The following DTWD1 variants were observed in gnomAD, a reference collection of about 807,000 sequenced individuals.
DTWD1 encodes the protein tRNA-uridine aminocarboxypropyltransferase 1.
In DTWD1, 27 loss-of-function variants were observed where a neutral mutation model predicts 30.2. The ratio of observed to expected loss-of-function variants is 0.90; its 90% confidence interval spans 0.66 to 1.23. The LOEUF is 1.23. Ranked by LOEUF, DTWD1 falls within the 50% of genes most tolerant of loss-of-function variation. The pLI is 0.00. For synonymous variants in DTWD1, 99 were observed against 113.1 expected (o/e 0.88, Z 0.79); for missense variants, 342 against 348.8 (o/e 0.98, Z 0.15).
At position 49,650,674 on chromosome 15, in the gene DTWD1, T is replaced by G. The variant is rs544911260; in HGVS notation, c.*7096T>G. On this transcript the variant is annotated 3_prime_UTR_variant, in exon 5 of 5. Transcript: ENST00000403028. ...AGCTTCACCTGAGGTTACCCTCGTC[T>G]TAGATCTCAGGGCAGCCCTCAGTGG... The G allele has an allele frequency of 2.0e-5, 3 of 152,316 alleles. No individual in the cohort carries two copies. The highest frequency in any genetic ancestry group is 7.2e-5 in the African/African-American group (3 of 41,576). The allele number at this position is 152,316 out of a possible 1,614,324, so 9.4% of individuals were successfully genotyped here.
At chr15:49,624,510 T>G (rs546526158) in intron 1 of DTWD1, among the ~76,000 whole-genome samples, 1 of 152,354 alleles carries the variant, frequency 6.6e-6, no homozygotes, top group Non-Finnish European at 1.5e-5. Context: ...TTAGAGTAAG[T>G]GGACATTAAT....
At chr15:49,631,539 G>A (rs557935294) in intron 2 of DTWD1, among the ~76,000 whole-genome samples, 1 of 152,244 alleles carries the variant, frequency 6.6e-6, no homozygotes, top group South Asian at 2.1e-4. Flanking sequence ...GAGGCAGGCA[G>A]ATCGCTTGAG....
intron 2 of DTWD1, among the ~76,000 whole-genome samples, chr15:49,625,849 G>C (rs958686575): frequency 6.6e-6 from 1 of 152,096 alleles, no homozygotes; most frequent in Non-Finnish European, 1.5e-5. Flanking sequence ...GGCATGTCTG[G>C]ACATGTTTGG....
At chr15:49,633,868 C>T (rs116526453) in intron 3 of DTWD1, among the ~76,000 whole-genome samples, 1,669 of 152,078 alleles carry the variant, frequency 0.011, 34 homozygotes, top group African/African-American at 0.039. Flanking sequence ...TAAAAATGTG[C>T]GGAAAGAAAA....
rs575520657 is a variant in DTWD1 at position 49,652,823 on chromosome 15, C to A, written c.*9245C>A. On this transcript the variant is annotated 3_prime_UTR_variant, in exon 5 of 5. Coordinates refer to ENST00000403028, the MANE Select transcript of DTWD1 (RefSeq NM_001144955.2). ...TGATTCACTTTAAGAAAGGACTGAC[C>A]TCCCAGTTGCAAGGAATGAGGTCAG... 1 of 152,096 alleles carries A rather than the reference C, an allele frequency of 6.6e-6. No homozygotes were observed. The highest frequency in any genetic ancestry group is 1.5e-5 in the Non-Finnish European group (1 of 68,030). The allele number at this position is 152,096 out of a possible 1,614,324, so 9.4% of individuals were successfully genotyped here.
Position 49,655,594 on chromosome 15 carries a change from T to C in DTWD1, c.*12016T>C, listed in dbSNP as rs1317870069. 1 of 152,024 alleles carries C rather than the reference T, an allele frequency of 6.6e-6. No individual in the cohort carries two copies. The highest frequency in any genetic ancestry group is 6.6e-5 in the Admixed American group (1 of 15,236). 9.4% of individuals were successfully genotyped at this position (152,024 alleles called of 1,614,324 possible). A position where few individuals can be genotyped will look rare whatever the true frequency, so the allele number is the denominator to read the frequency against. On this transcript the variant is annotated 3_prime_UTR_variant, in exon 5 of 5. Coordinates refer to ENST00000403028, the MANE Select transcript of DTWD1 (RefSeq NM_001144955.2). ...TTCCCTTTCTACCTTTGGCTAAGAA[T>C]TGGGGTGCTATAGATAATTCCCAAA...
chr15:49,639,854 A>C (rs903919108), intron 4 of DTWD1, among the ~76,000 whole-genome samples: 5 of 152,210 alleles, frequency 3.3e-5, no homozygotes, highest in African/African-American at 7.2e-5. Flanking sequence ...TCTAATGGAA[A>C]GAATTGGGCT....
chr15:49,634,642 A>C lies in DTWD1; in HGVS notation c.515A>C (p.Asp172Ala), dbSNP rs1294802983. The change falls in exon 4 of 5, where the codon GAC becomes GCC. Residue 172 changes from aspartate to alanine, a missense_variant. Asp to Ala is a moderately radical substitution (Grantham distance 126). Coordinates refer to ENST00000403028, the MANE Select transcript of DTWD1 (RefSeq NM_001144955.2). Reference sequence around the variant, plus strand: ...GTTAGAGGCAAAAATGATGACCCTGACAAGCCATCTTTTAAACGCAAAAGA... The same window carrying C: ...GTTAGAGGCAAAAATGATGACCCTGCCAAGCCATCTTTTAAACGCAAAAGA... Reference protein sequence around the residue: ...NNVRGKNDDPDKPSFKRKRTE... With the variant: ...NNVRGKNDDPAKPSFKRKRTE... 6.2e-7 allele frequency: 1 copy of C among 1,613,794 alleles called. No homozygotes were observed. Among genetic ancestry groups the C allele is most frequent in the Admixed American group, 1.7e-5 (1 of 59,972 alleles).
chr15:49,625,415 A>T lies in DTWD1; in HGVS notation c.248A>T (p.Gln83Leu), dbSNP rs1464883417. The change falls in exon 2 of 5, where the codon CAG becomes CTG. Residue 83 changes from glutamine (Q) to leucine (L), a missense_variant. Coordinates refer to ENST00000403028, the MANE Select transcript of DTWD1 (RefSeq NM_001144955.2). ...YVPVENVPIE[Q>L]IPLVKLPLKI... is the part of the protein sequence containing the mutation. ...CCAGTTGAAAATGTACCTATTGAAC[A>T]GATTCCACTTGTGAAGGTTAGTAAG... 4 of 1,608,948 alleles carry T rather than the reference A, an allele frequency of 2.5e-6. No individual in the cohort carries two copies. Among genetic ancestry groups the T allele is most frequent in the Non-Finnish European group, 3.4e-6 (4 of 1,177,798 alleles).
intron 1 of DTWD1, 96 bp from the exon 2 acceptor site, chr15:49,625,017 A>G: frequency 1.3e-6 from 1 of 761,478 alleles, no homozygotes; most frequent in Non-Finnish European, 2.1e-6. Context: ...CTAAAACAGC[A>G]CACAATTGTG....
chr15:49,655,464 T>TGGAA lies in DTWD1; in HGVS notation c.*11888_*11889insAAGG, dbSNP rs1293815092. ...CTCCCGTGTTTTTTTTAGTCCATGC[T>TGGAA]GGTGGTATCCTCATCAATGCAATTT... On this transcript the variant is annotated 3_prime_UTR_variant, in exon 5 of 5. Transcript: ENST00000403028. 6.6e-6 allele frequency: 1 copy of TGGAA among 151,998 alleles called. No homozygotes were observed. The highest frequency in any genetic ancestry group is 1.5e-5 in the Non-Finnish European group (1 of 67,968). 9.4% of individuals were successfully genotyped at this position (151,998 alleles called of 1,614,324 possible).
chr15:49,628,203 C>T (rs1175559655), intron 2 of DTWD1, among the ~76,000 whole-genome samples: 1 of 152,178 alleles, frequency 6.6e-6, no homozygotes, highest in African/African-American at 2.4e-5. Flanking sequence ...CCACTGGAAG[C>T]TCTTCAGGGG....
In DTWD1 at chr15:49,647,537, A is replaced by C. The variant is rs779838731; in HGVS notation, c.*3959A>C. 6.6e-6 allele frequency: 1 copy of C among 152,148 alleles called. No homozygotes were observed. Among genetic ancestry groups the C allele is most frequent in the South Asian group, 2.1e-4 (1 of 4,834 alleles). 9.4% of individuals were successfully genotyped at this position (152,148 alleles called of 1,614,324 possible). ...CTCGAAACATCACCAAATACCATGA[A>C]TGCATTAGGTATATTTTTTGTCTTC... On this transcript the variant is annotated 3_prime_UTR_variant, in exon 5 of 5. Transcript: ENST00000403028.
In DTWD1 at chr15:49,643,337, T is replaced by TA. The variant is rs772295374; in HGVS notation, c.675dup (p.Gln226ThrfsTer3). On this transcript the variant is annotated frameshift_variant, in exon 5 of 5. Coordinates refer to ENST00000403028, the MANE Select transcript of DTWD1 (RefSeq NM_001144955.2). LOFTEE classifies it high-confidence loss of function. ...TTTTTTTTTTTTTTGACAGGGTTGT[T>TA]ACAAGTTGAGTTGAAAACAAGAAAA... is the stretch of plus-strand genomic sequence containing the variant. The TA allele has an allele frequency of 6.5e-7, 1 of 1,537,204 alleles. No homozygotes were observed. The highest frequency in any genetic ancestry group is 1.4e-5 in the African/African-American group (1 of 70,016).
chr15:49,655,795 T>C lies in DTWD1; in HGVS notation c.*12217T>C, dbSNP rs1034016966. ...ATTTATGATGTGGAAATTACTTTGC[T>C]GGCTGAAGTTGGGAATAGAAAACAG... On this transcript the variant is annotated 3_prime_UTR_variant, in exon 5 of 5. Coordinates refer to ENST00000403028, the MANE Select transcript of DTWD1 (RefSeq NM_001144955.2). 1 of 152,046 alleles carries C rather than the reference T, an allele frequency of 6.6e-6. No homozygotes were observed. Among genetic ancestry groups the C allele is most frequent in the African/African-American group, 2.4e-5 (1 of 41,434 alleles). The allele number at this position is 152,046 out of a possible 1,614,324, so 9.4% of individuals were successfully genotyped here. A position where few individuals can be genotyped will look rare whatever the true frequency, so the allele number is the denominator to read the frequency against.
At chr15:49,629,150 A>G (rs2153351884) in intron 2 of DTWD1, among the ~76,000 whole-genome samples, 1 of 152,304 alleles carries the variant, frequency 6.6e-6, no homozygotes, top group South Asian at 2.1e-4. Context: ...TCATTATTTA[A>G]GAAATAATCT....
rs1381848941 is a variant in DTWD1 at position 49,653,487 on chromosome 15, A to C, written c.*9909A>C. 6.6e-6 allele frequency: 1 copy of C among 152,152 alleles called. No individual in the cohort carries two copies. The highest frequency in any genetic ancestry group is 1.5e-5 in the Non-Finnish European group (1 of 68,028). The allele number at this position is 152,152 out of a possible 1,614,324, so 9.4% of individuals were successfully genotyped here. A position where few individuals can be genotyped will look rare whatever the true frequency, so the allele number is the denominator to read the frequency against. Reference sequence around the variant, plus strand: ...ACTTCTACAGAACTATATAAGAATAAATTGTGTTGCTTAAGCACACTATAA... The same window carrying C: ...ACTTCTACAGAACTATATAAGAATACATTGTGTTGCTTAAGCACACTATAA... On this transcript the variant is annotated 3_prime_UTR_variant, in exon 5 of 5. Coordinates refer to ENST00000403028, the MANE Select transcript of DTWD1 (RefSeq NM_001144955.2).
intron 1 of DTWD1, 130 bp from the exon 2 acceptor site, chr15:49,624,983 G>A (rs928580005): frequency 2.3e-5 from 13 of 566,776 alleles, no homozygotes; most frequent in African/African-American, 2.1e-4. Context: ...CCAATTTGGT[G>A]GTTTAAAACA....
chr15:49,634,529 G>T lies in DTWD1; in HGVS notation c.409-7G>T, dbSNP rs1286550067. 4 of 1,601,574 alleles carry T rather than the reference G, an allele frequency of 2.5e-6. No homozygotes were observed. The highest frequency in any genetic ancestry group is 3.4e-6 in the Non-Finnish European group (4 of 1,175,188). ...GCACACTGCTAACCCAATTTTCTTTGTTTTAGGTTGCACTCATTTTTCCTG... is the reference window on the plus strand; with the variant it reads ...GCACACTGCTAACCCAATTTTCTTTTTTTTAGGTTGCACTCATTTTTCCTG... On this transcript the variant is annotated splice_polypyrimidine_tract_variant and splice_region_variant and intron_variant, in intron 3 of 4. Coordinates refer to ENST00000403028, the MANE Select transcript of DTWD1 (RefSeq NM_001144955.2).
Sources: allele counts gnomAD v4.1 joint callset (sites outside exome capture counted in the v4.1 genomes callset), GRCh38; gene constraint gnomAD v4.1.1; transcripts MANE v1.5; gene names NCBI Gene and HGNC (gene_info 2026-07-23, HGNC 2026-07-21).